Variants in DCTN4 observed in about 807,000 individuals in gnomAD.
DCTN4 encodes the protein dynactin 4 (p62).
Under a neutral mutation model 62.7 loss-of-function variants are expected in DCTN4, and 23 were observed. The ratio of observed to expected loss-of-function variants is 0.37; its 90% CI spans 0.26 to 0.52. The LOEUF is 0.52. Among genes scored for constraint, DCTN4 ranks in the 20% least tolerant of loss-of-function variants. The pLI, the probability that DCTN4 is intolerant of heterozygous loss-of-function variation, is 0.92. For missense variants in DCTN4, 514 were observed against 580.4 expected, an observed-to-expected ratio of 0.89 and a Z score of 1.18; for synonymous variants, 199 against 202.1, an observed-to-expected ratio of 0.98 and a Z score of 0.13.
At position 150,726,406 on chromosome 5, in the gene DCTN4, G is replaced by C. The variant is rs183965861; in HGVS notation, c.835-3426C>G. On this transcript the variant is annotated intron_variant, in intron 8 of 12. Coordinates refer to ENST00000447998, the MANE Select transcript of DCTN4 (RefSeq NM_016221.4). ...GGGAGCTCACTTAAGAAGAGATATTGTGTAGTTTAAAACATATTAGTTTGT... is the reference window on the plus strand; with the variant it reads ...GGGAGCTCACTTAAGAAGAGATATTCTGTAGTTTAAAACATATTAGTTTGT... Among the ~76,000 whole-genome samples the C allele has an allele frequency of 9.9e-5, 15 of 152,120 alleles. No homozygotes were observed. In the East Asian group the frequency reaches 2.1e-3, roughly 22 times the overall value.
chr5:150,753,690 C>T (rs1161801304), intron 2 of DCTN4, 33 bp from the exon 3 acceptor site: 2 of 1,587,848 alleles, frequency 1.3e-6, no homozygotes, highest in Non-Finnish European at 1.7e-6. Context: ...ATTCATTCAA[C>T]AAATATTTAT....
chr5:150,718,498 T>C (rs1759851280), intron 10 of DCTN4, 115 bp from the exon 11 acceptor site: 3 of 670,896 alleles, frequency 4.5e-6, no homozygotes, highest in Admixed American at 4.5e-5. Flanking sequence ...GCCCTACTTA[T>C]ACCTCTACAT....
chr5:150,714,545 T>A (rs981143372), intron 12 of DCTN4, among the ~76,000 whole-genome samples: 1 of 147,102 alleles, frequency 6.8e-6, no homozygotes, highest in African/African-American at 2.7e-5. Context: ...CCTGGCTATT[T>A]TTAAAATTTT....
At chr5:150,711,842 C>T (rs750056258) in intron 12 of DCTN4, among the ~76,000 whole-genome samples, 4 of 152,052 alleles carry the variant, frequency 2.6e-5, no homozygotes, top group Non-Finnish European at 5.9e-5. Context: ...TGAGCTTATA[C>T]TTTTCTGCTT....
rs530029822 is a variant in DCTN4 at position 150,738,719 on chromosome 5, T to C, written c.429+3395A>G. Among the ~76,000 whole-genome samples the C allele has an allele frequency of 3.9e-5, 6 of 152,226 alleles. No individual in the cohort carries two copies. In the South Asian group the frequency reaches 1.2e-3, roughly 32 times the overall value. On this transcript the variant is annotated intron_variant, in intron 4 of 12. Transcript: ENST00000447998. Reference sequence around the variant, plus strand: ...CTGGAACAAGACAAGGATGCCCACTTTTACCACTTCTATTCAACACAGTAC... The same window carrying C: ...CTGGAACAAGACAAGGATGCCCACTCTTACCACTTCTATTCAACACAGTAC...
At chr5:150,720,110 G>A (rs1032130031) in intron 9 of DCTN4, among the ~76,000 whole-genome samples, 2 of 152,024 alleles carry the variant, frequency 1.3e-5, no homozygotes, top group Non-Finnish European at 2.9e-5. Flanking sequence ...GGAAAATAAT[G>A]GTATCTTTCA....
At chr5:150,745,518 C>G (rs1327429328) in intron 3 of DCTN4, among the ~76,000 whole-genome samples, 2 of 152,092 alleles carry the variant, frequency 1.3e-5, no homozygotes, top group Non-Finnish European at 2.9e-5. Flanking sequence ...ACACCCATTC[C>G]AAAACTGACC....
At chr5:150,722,154 C>G (rs954873275) in intron 9 of DCTN4, among the ~76,000 whole-genome samples, 1 of 152,126 alleles carries the variant, frequency 6.6e-6, no homozygotes, top group Non-Finnish European at 1.5e-5. Context: ...ACCACTATTT[C>G]TTTTTGCTAA....
intron 8 of DCTN4, among the ~76,000 whole-genome samples, chr5:150,730,422 C>G (rs1760315685): frequency 6.6e-6 from 1 of 152,200 alleles, no homozygotes; most frequent in Non-Finnish European, 1.5e-5. Flanking sequence ...ATTTGTAAAA[C>G]AGGTTTAACA....
chr5:150,734,813 T>C (rs1424175576), intron 4 of DCTN4, among the ~76,000 whole-genome samples: 2 of 151,892 alleles, frequency 1.3e-5, no homozygotes, highest in Non-Finnish European at 2.9e-5. Flanking sequence ...ATGGTGGGAG[T>C]GAGACTGGCC....
At chr5:150,741,998 A>G in intron 4 of DCTN4, 116 bp downstream of exon 4, 1 of 865,934 alleles carries the variant, frequency 1.2e-6, no homozygotes, top group Non-Finnish European at 2.0e-6. Context: ...CTATGTGCAA[A>G]GACGTATTAT....
In DCTN4 at chr5:150,708,891, G is replaced by C. The variant is rs1759465467; in HGVS notation, c.*2258C>G. 6.5e-6 allele frequency: 1 copy of C among 152,790 alleles called. No individual in the cohort carries two copies. Among genetic ancestry groups the C allele is most frequent in the Non-Finnish European group, 1.5e-5 (1 of 68,050 alleles). The allele number at this position is 152,790 out of a possible 1,614,324, so 9.5% of individuals were successfully genotyped here. A position where few individuals can be genotyped will look rare whatever the true frequency, so the allele number is the denominator to read the frequency against. On this transcript the variant is annotated 3_prime_UTR_variant, in exon 13 of 13. Transcript: ENST00000447998. ...TCTTCACAAATATGCATGACACTTA[G>C]CTCATTATGCTGATAAGCACTTCAA...
Position 150,710,980 on chromosome 5 carries a change from T to C in DCTN4, c.*169A>G. 1 of 656,548 alleles carries C rather than the reference T, an allele frequency of 1.5e-6. No individual in the cohort carries two copies. Among genetic ancestry groups the C allele is most frequent in the East Asian group, 2.7e-5 (1 of 36,370 alleles). The allele number at this position is 656,548 out of a possible 1,614,324, so 40.7% of individuals were successfully genotyped here. A position where few individuals can be genotyped will look rare whatever the true frequency, so the allele number is the denominator to read the frequency against. On this transcript the variant is annotated 3_prime_UTR_variant, in exon 13 of 13. Transcript: ENST00000447998. ...GGGTGAGAGCAAGAGCAACAGCAGCTACCCTGTGTTCCCAATGCCTTGCCT... is the reference window on the plus strand; with the variant it reads ...GGGTGAGAGCAAGAGCAACAGCAGCCACCCTGTGTTCCCAATGCCTTGCCT...
Position 150,753,227 on chromosome 5 carries a change from A to G in DCTN4, c.385+252T>C, listed in dbSNP as rs1289937021. 4.6e-5 allele frequency among the ~76,000 whole-genome samples: 7 copies of G among 152,210 alleles called. No homozygotes were observed. The East Asian group carries it at 1.3e-3, about 29-fold the overall frequency. ...TGTTTATTTTTCATGAAGAGCATTA[A>G]TATTTTGATTCCAAGAAAGTACCAG... On this transcript the variant is annotated intron_variant, in intron 3 of 12. Coordinates refer to ENST00000447998, the MANE Select transcript of DCTN4 (RefSeq NM_016221.4).
chr5:150,745,547 C>G (rs1474188293), intron 3 of DCTN4, among the ~76,000 whole-genome samples: 1 of 152,178 alleles, frequency 6.6e-6, no homozygotes, highest in African/African-American at 2.4e-5. Context: ...GGAAGTAAAG[C>G]TCTCCTCAGC....
chr5:150,729,093 C>T (rs1454834942), intron 8 of DCTN4, among the ~76,000 whole-genome samples: 2 of 114,756 alleles, frequency 1.7e-5, no homozygotes, highest in African/African-American at 7.3e-5. Flanking sequence ...CAGGGTCTCA[C>T]TATGTTGCCT....
At position 150,708,756 on chromosome 5, in the gene DCTN4, G is replaced by A. The variant is rs912430497; in HGVS notation, c.*2393C>T. 3.3e-5 allele frequency: 5 copies of A among 152,876 alleles called. No individual in the cohort carries two copies. Among genetic ancestry groups the A allele is most frequent in the Middle Eastern group, 6.8e-3 (2 of 294 alleles). The allele number at this position is 152,876 out of a possible 1,614,324, so 9.5% of individuals were successfully genotyped here. ...CAAACAAAAGACACGCTCAAGCTTT[G>A]TCTGCTTTATTTCACTACATTAAGT... On this transcript the variant is annotated 3_prime_UTR_variant, in exon 13 of 13. Coordinates refer to ENST00000447998, the MANE Select transcript of DCTN4 (RefSeq NM_016221.4).
At chr5:150,744,459 A>C (rs200179905) in intron 3 of DCTN4, among the ~76,000 whole-genome samples, 1 of 152,038 alleles carries the variant, frequency 6.6e-6, no homozygotes, top group East Asian at 1.9e-4. Flanking sequence ...GATACTCCTC[A>C]AGAAGAGCAA....
At chr5:150,729,610 CTT>C (rs61580837) in intron 8 of DCTN4, among the ~76,000 whole-genome samples, 10 of 141,554 alleles carry the variant, frequency 7.1e-5, no homozygotes, top group Non-Finnish European at 1.1e-4. Flanking sequence ...AGAAAAAATA[CTT>C]TTTTTTTTTT....
Sources: gnomAD v4.1 joint callset for allele counts (sites outside exome capture counted in the v4.1 genomes callset) on GRCh38, gnomAD v4.1.1 for gene constraint, MANE v1.5 for transcripts, NCBI Gene and HGNC (gene_info 2026-07-23, HGNC 2026-07-21) for gene names.